The following EYA4 variants were observed in gnomAD, a reference collection of about 807,000 sequenced individuals.
EYA4 encodes protein phosphatase EYA4.
Under a neutral mutation model 87.9 loss-of-function variants are expected in EYA4, and 31 were observed. That is an observed-to-expected ratio of 0.35 (90% CI 0.27 to 0.48). The LOEUF (loss-of-function observed/expected upper bound fraction) is 0.48. Among genes scored for constraint, EYA4 ranks in the 20% least tolerant of loss-of-function variants. EYA4 has a pLI of 0.99. For synonymous variants in EYA4, 263 were observed against 270.6 expected, an observed-to-expected ratio of 0.97 and a Z score of 0.28; for missense variants, 678 against 761.4, an observed-to-expected ratio of 0.89 and a Z score of 1.29.
chr6:133,457,948 G>A (rs182393381), intron 6 of EYA4, among the ~76,000 whole-genome samples: 20 of 152,250 alleles, frequency 1.3e-4, no homozygotes, highest in East Asian at 3.9e-4. Flanking sequence ...TCTCTGATCC[G>A]TTTTGTAGAC....
chr6:133,343,357 G>T (rs1403327988), intron 2 of EYA4, among the ~76,000 whole-genome samples: 1 of 152,056 alleles, frequency 6.6e-6, no homozygotes, highest in Non-Finnish European at 1.5e-5. Context: ...CTTTTACTCT[G>T]TCCCCACCCT....
chr6:133,293,871 A>C (rs1778694417), intron 2 of EYA4, among the ~76,000 whole-genome samples: 1 of 151,108 alleles, frequency 6.6e-6, no homozygotes, highest in African/African-American at 2.4e-5. Context: ...CTGGAAGTGG[A>C]GGCTTTGGAA....
Position 133,411,892 on chromosome 6 carries a change from C to G in EYA4, c.83+29451C>G, listed in dbSNP as rs114443886. On this transcript the variant is annotated intron_variant, in intron 3 of 19. Transcript: ENST00000355286. ...AAAGGTCATGCATATTTTAAAGCTC[C>G]TGAACATTTTGCCAGATAGCATTCC... is the stretch of plus-strand genomic sequence containing the variant. 4.4e-3 allele frequency among the ~76,000 whole-genome samples: 677 copies of G among 152,234 alleles called. 12 individuals are homozygous for G. The highest frequency in any genetic ancestry group is 0.015 in the African/African-American group (632 of 41,532).
At chr6:133,326,355 C>A (rs868262709) in intron 2 of EYA4, among the ~76,000 whole-genome samples, 19 of 152,180 alleles carry the variant, frequency 1.2e-4, no homozygotes, top group African/African-American at 4.6e-4. Flanking sequence ...ATCAATATGA[C>A]TGTCAAAATA....
intron 3 of EYA4, among the ~76,000 whole-genome samples, chr6:133,416,665 G>T (rs957657723): frequency 3.9e-5 from 6 of 152,172 alleles, no homozygotes; most frequent in African/African-American, 1.4e-4. Flanking sequence ...AACTGCACAT[G>T]CATAAGAATT....
In EYA4 at chr6:133,531,209, A is replaced by T; in HGVS notation, c.*2404A>T. On this transcript the variant is annotated 3_prime_UTR_variant, in exon 20 of 20. Coordinates refer to ENST00000355286, the MANE Select transcript of EYA4 (RefSeq NM_004100.5). ...TCTCTTTTTCTGATTCTGTGTTCAG[A>T]AGAGGCTGCCGGCATAAAACCTAAA... 6.5e-7 allele frequency: 1 copy of T among 1,535,112 alleles called. No individual in the cohort carries two copies. Among genetic ancestry groups the T allele is most frequent in the African/African-American group, 1.4e-5 (1 of 73,150 alleles).
At chr6:133,271,668 G>A (rs1776698890) in intron 1 of EYA4, among the ~76,000 whole-genome samples, 1 of 152,208 alleles carries the variant, frequency 6.6e-6, no homozygotes, top group African/African-American at 2.4e-5. Context: ...GCACTCAGCA[G>A]TGGCCGTAGC....
At chr6:133,263,779 T>C (rs1429131066) in intron 1 of EYA4, among the ~76,000 whole-genome samples, 1 of 152,166 alleles carries the variant, frequency 6.6e-6, no homozygotes, top group Non-Finnish European at 1.5e-5. Flanking sequence ...GAATTTAGTG[T>C]AATGGCACTT....
chr6:133,364,467 G>A (rs1784703266), intron 2 of EYA4, among the ~76,000 whole-genome samples: 2 of 152,194 alleles, frequency 1.3e-5, no homozygotes. Flanking sequence ...GGCACAAGGT[G>A]AAGGACTTCT....
intron 13 of EYA4, among the ~76,000 whole-genome samples, chr6:133,499,484 TCTGA>T (rs1336295387): frequency 6.6e-6 from 1 of 152,202 alleles, no homozygotes; most frequent in African/African-American, 2.4e-5. Context: ...TGGATTCCCT[TCTGA>T]CTGAAACTGT....
At chr6:133,400,677 A>C (rs926682920) in intron 3 of EYA4, among the ~76,000 whole-genome samples, 3 of 151,734 alleles carry the variant, frequency 2.0e-5, no homozygotes, top group Non-Finnish European at 4.4e-5. Context: ...ATAGTAATAA[A>C]GTATAAAAAT....
chr6:133,365,837 C>T (rs1173533946), intron 2 of EYA4, among the ~76,000 whole-genome samples: 1 of 152,032 alleles, frequency 6.6e-6, no homozygotes, highest in Non-Finnish European at 1.5e-5. Context: ...TGGTTAGCTG[C>T]ATATGAAGGG....
rs1414960117 is a variant in EYA4, at chr6:133,446,737, C to A, written c.191C>A (p.Thr64Asn). The A allele has an allele frequency of 1.2e-6, 2 of 1,613,960 alleles. No homozygotes were observed. The highest frequency in any genetic ancestry group is 2.7e-5 in the African/African-American group (2 of 75,042). The change falls in exon 4 of 20, where the codon ACT (threonine) becomes AAT (asparagine). Residue 64 changes from threonine to asparagine, a missense_variant. Thr to Asn is a moderately conservative substitution (Grantham distance 65, BLOSUM62 0). Coordinates refer to ENST00000355286, the MANE Select transcript of EYA4 (RefSeq NM_004100.5). ...TCTAATCTCAGCAGCACATCAGTTA[C>A]TACAAATGGGACAGGAGGTAAGTGT... The part of the protein sequence containing the change: ...EKSNLSSTSV[T>N]TNGTGGENMT...
chr6:133,429,217 A>C (rs2128580835), intron 3 of EYA4, among the ~76,000 whole-genome samples: 1 of 151,978 alleles, frequency 6.6e-6, no homozygotes, highest in East Asian at 1.9e-4. Context: ...GAGCCACTGC[A>C]CCTGTCCAGA....
At chr6:133,308,939 A>C (rs1443150018) in intron 2 of EYA4, among the ~76,000 whole-genome samples, 1 of 145,426 alleles carries the variant, frequency 6.9e-6, no homozygotes, top group East Asian at 2.2e-4. Context: ...TTTTTCAGAG[A>C]GGTATTTTTT....
At chr6:133,374,144 A>G (rs1785487475) in intron 2 of EYA4, among the ~76,000 whole-genome samples, 1 of 152,122 alleles carries the variant, frequency 6.6e-6, no homozygotes, top group Non-Finnish European at 1.5e-5. Context: ...TAATACTTAC[A>G]TACTGTACAT....
intron 3 of EYA4, among the ~76,000 whole-genome samples, chr6:133,398,084 T>G (rs1404090857): frequency 6.6e-6 from 1 of 152,104 alleles, no homozygotes; most frequent in Non-Finnish European, 1.5e-5. Flanking sequence ...AAATGTTTTG[T>G]GCTAAATGTA....
intron 6 of EYA4, among the ~76,000 whole-genome samples, chr6:133,459,729 G>A (rs951877446): frequency 6.6e-6 from 1 of 151,934 alleles, no homozygotes; most frequent in Non-Finnish European, 1.5e-5. Context: ...AATTTAAAAC[G>A]TTCTTTAAGT....
intron 1 of EYA4, among the ~76,000 whole-genome samples, chr6:133,251,845 C>T (rs1021207885): frequency 6.6e-6 from 1 of 152,178 alleles, no homozygotes; most frequent in African/African-American, 2.4e-5. Flanking sequence ...TCCCAGGGCT[C>T]TGCATAAGAG....
Sources: allele counts gnomAD v4.1 joint callset (sites outside exome capture counted in the v4.1 genomes callset), GRCh38; gene constraint gnomAD v4.1.1; transcripts MANE v1.5; gene names NCBI Gene and HGNC (gene_info 2026-07-23, HGNC 2026-07-21).